Variants in LTBP1 observed in about 807,000 individuals in gnomAD.
LTBP1 encodes latent transforming growth factor beta binding protein 1, also known as latent-transforming growth factor beta-binding protein 1.
LTBP1 carries 129 observed loss-of-function variants against 207.6 expected under a neutral mutation model. That is an observed-to-expected ratio of 0.62 (90% CI 0.54 to 0.72). The LOEUF is 0.72. Ranked by LOEUF, LTBP1 falls within the 30% of genes least tolerant of loss-of-function variation. The pLI, the probability that LTBP1 is intolerant of heterozygous loss-of-function variation, is 0.00. For missense variants in LTBP1, 2,281 were observed against 2,217.2 expected (o/e 1.03, Z -0.58); for synonymous variants, 963 against 833.7 (o/e 1.16, Z -2.67).
At chr2:33,189,158 A>T (rs1396439981) in intron 7 of LTBP1, among the ~76,000 whole-genome samples, 1 of 151,518 alleles carries the variant, frequency 6.6e-6, no homozygotes, top group Non-Finnish European at 1.5e-5. Flanking sequence ...CCAGTCCCTG[A>T]TGTACAGAAT....
At chr2:33,170,461 C>T (rs560798035) in intron 5 of LTBP1, among the ~76,000 whole-genome samples, 27 of 152,342 alleles carry the variant, frequency 1.8e-4, no homozygotes, top group East Asian at 1.2e-3. Flanking sequence ...GAGGGGCGCC[C>T]GCCATTGCCC....
intron 3 of LTBP1, among the ~76,000 whole-genome samples, chr2:33,106,145 C>T (rs1644259586): frequency 1.3e-5 from 2 of 152,166 alleles, no homozygotes; most frequent in South Asian, 4.1e-4. Flanking sequence ...TATAGCAGTC[C>T]AGTCACTTCT....
chr2:33,214,216 C>T (rs1048637025), intron 7 of LTBP1, among the ~76,000 whole-genome samples: 16 of 152,172 alleles, frequency 1.1e-4, no homozygotes, highest in Admixed American at 7.2e-4. Flanking sequence ...CAGGTTGCAA[C>T]GGTGGGGACC....
At chr2:33,026,724 A>C (rs1245985209) in intron 3 of LTBP1, among the ~76,000 whole-genome samples, 1 of 152,228 alleles carries the variant, frequency 6.6e-6, no homozygotes, top group Non-Finnish European at 1.5e-5. Context: ...ATGGGATGAG[A>C]ACTAAAAATT....
At chr2:33,390,493 AT>A (rs34522386) in intron 32 of LTBP1, among the ~76,000 whole-genome samples, 149 of 146,056 alleles carry the variant, frequency 1.0e-3, no homozygotes, top group Non-Finnish European at 1.0e-3. Flanking sequence ...TTCACCACAA[AT>A]TTTTTTTTTT....
intron 3 of LTBP1, among the ~76,000 whole-genome samples, chr2:33,022,021 C>T (rs1442642029): frequency 6.6e-6 from 1 of 152,078 alleles, no homozygotes; most frequent in Non-Finnish European, 1.5e-5. Flanking sequence ...CAGGAAGTTC[C>T]CAACTTAAAA....
chr2:33,232,131 C>A (rs1169751474), intron 9 of LTBP1, among the ~76,000 whole-genome samples: 4 of 152,050 alleles, frequency 2.6e-5, no homozygotes, highest in Non-Finnish European at 5.9e-5. Context: ...GCTCAACCAT[C>A]CTAGGAGGGT....
intron 24 of LTBP1, among the ~76,000 whole-genome samples, chr2:33,323,903 T>G (rs2094391457): frequency 6.6e-6 from 1 of 152,228 alleles, no homozygotes; most frequent in African/African-American, 2.4e-5. Flanking sequence ...TAAGAAGTTA[T>G]GCTGGTGAGT....
intron 4 of LTBP1, among the ~76,000 whole-genome samples, chr2:33,117,508 G>C (rs1409817146): frequency 6.6e-6 from 1 of 152,212 alleles, no homozygotes; most frequent in Non-Finnish European, 1.5e-5. Flanking sequence ...CTGAGTGAGA[G>C]AGCAGAGTGC....
chr2:33,080,811 TC>T (rs1364315159), intron 3 of LTBP1, among the ~76,000 whole-genome samples: 1 of 152,190 alleles, frequency 6.6e-6, no homozygotes, highest in Non-Finnish European at 1.5e-5. Flanking sequence ...AATACACACA[TC>T]AATGTATAGT....
intron 5 of LTBP1, among the ~76,000 whole-genome samples, chr2:33,145,041 A>G (rs1455395621): frequency 6.6e-6 from 1 of 152,218 alleles, no homozygotes; most frequent in East Asian, 1.9e-4. Flanking sequence ...AATTTATATC[A>G]TAAAGAAAGA....
At chr2:33,312,582 C>T (rs191872679) in intron 23 of LTBP1, among the ~76,000 whole-genome samples, 40 of 152,172 alleles carry the variant, frequency 2.6e-4, no homozygotes, top group Non-Finnish European at 1.2e-4. Flanking sequence ...AAGTTACTAG[C>T]AGCATAGTTT....
intron 7 of LTBP1, among the ~76,000 whole-genome samples, chr2:33,193,560 T>G (rs551111796): frequency 6.6e-6 from 1 of 152,242 alleles, no homozygotes; most frequent in African/African-American, 2.4e-5. Context: ...TCTTTGTAGA[T>G]AGATATTGTG....
chr2:33,314,807 G>C (rs1001953838), intron 23 of LTBP1, among the ~76,000 whole-genome samples: 1 of 152,186 alleles, frequency 6.6e-6, no homozygotes. Context: ...GGCAAAGAAG[G>C]ACAGCATTCT....
intron 2 of LTBP1, among the ~76,000 whole-genome samples, chr2:32,964,955 G>A (rs1291194859): frequency 3.3e-5 from 5 of 152,036 alleles, no homozygotes; most frequent in East Asian, 3.8e-4. Flanking sequence ...CAGGAGAATC[G>A]CTTGAACCAG....
chr2:33,144,463 T>A (rs2082866597), intron 5 of LTBP1, among the ~76,000 whole-genome samples: 1 of 152,188 alleles, frequency 6.6e-6, no homozygotes, highest in South Asian at 2.1e-4. Flanking sequence ...TGCCAAGCCT[T>A]CTGGCAAGGG....
intron 7 of LTBP1, among the ~76,000 whole-genome samples, chr2:33,203,268 A>T (rs552852466): frequency 6.6e-6 from 1 of 152,314 alleles, no homozygotes; most frequent in South Asian, 2.1e-4. Flanking sequence ...CCTGGAGTCA[A>T]GAAAGATCAG....
intron 2 of LTBP1, among the ~76,000 whole-genome samples, chr2:32,965,155 G>C (rs1415899497): frequency 1.3e-5 from 2 of 152,190 alleles, no homozygotes; most frequent in Non-Finnish European, 2.9e-5. Flanking sequence ...CATGGTCAAA[G>C]TGGACAGTGG....
intron 2 of LTBP1, among the ~76,000 whole-genome samples, chr2:32,952,371 G>C (rs137954081): frequency 4.3e-4 from 65 of 152,324 alleles, no homozygotes; most frequent in African/African-American, 1.4e-3. Context: ...GAGATGCCTG[G>C]TTGCATGTTA....
Sources: allele counts gnomAD v4.1 joint callset (sites outside exome capture counted in the v4.1 genomes callset), GRCh38; gene constraint gnomAD v4.1.1; transcripts MANE v1.5; gene names NCBI Gene and HGNC (gene_info 2026-07-23, HGNC 2026-07-21).